FAM184B: variants seen among roughly 807,000 people sequenced by gnomAD.
FAM184B encodes the protein protein FAM184B.
Under a neutral mutation model 135.9 loss-of-function variants are expected in FAM184B, and 111 were observed. That is an observed-to-expected ratio of 0.82 (90% CI 0.70 to 0.96). FAM184B has a LOEUF of 0.96. FAM184B is among the 40% of genes least tolerant of loss of function. The pLI is 0.00. For missense variants in FAM184B, 1,375 were observed against 1,323.9 expected (o/e 1.04, Z -0.60); for synonymous variants, 552 against 524.8 (o/e 1.05, Z -0.71).
intron 3 of FAM184B, 102 bp downstream of exon 3, chr4:17,707,547 C>T: frequency 6.9e-7 from 1 of 1,455,778 alleles, no homozygotes; most frequent in African/African-American, 1.4e-5. Context: ...CAGCCCTGCC[C>T]CTCCTCTCTG....
intron 7 of FAM184B, among the ~76,000 whole-genome samples, chr4:17,673,584 C>G (rs1368179724): frequency 6.6e-6 from 1 of 152,080 alleles, no homozygotes; most frequent in African/African-American, 2.4e-5. Flanking sequence ...ATTACTCAGC[C>G]ATAGAAAGGA....
At chr4:17,749,566 A>T (rs918983900) in intron 1 of FAM184B, among the ~76,000 whole-genome samples, 2 of 152,256 alleles carry the variant, frequency 1.3e-5, no homozygotes, top group African/African-American at 4.8e-5. Context: ...ATGGAAACAG[A>T]TATAAAAATT....
chr4:17,768,541 C>T (rs1718746845), intron 1 of FAM184B, among the ~76,000 whole-genome samples: 1 of 152,196 alleles, frequency 6.6e-6, no homozygotes, highest in African/African-American at 2.4e-5. Context: ...TCCCAAAGTG[C>T]TGGGATTACA....
intron 9 of FAM184B, among the ~76,000 whole-genome samples, chr4:17,659,439 A>G (rs1715860404): frequency 6.6e-6 from 1 of 151,390 alleles, no homozygotes; most frequent in Non-Finnish European, 1.5e-5. Flanking sequence ...TGGTTTGTGC[A>G]TTGATGAATC....
chr4:17,642,209 T>G lies in FAM184B; in HGVS notation c.2366A>C (p.Gln789Pro). The change falls in exon 13 of 18, where the codon CAG becomes CCG. Residue 789 changes from glutamine (Q) to proline (P), a missense_variant. Coordinates refer to ENST00000265018, the MANE Select transcript of FAM184B (RefSeq NM_015688.2). ...AGCAGCGCCCGGTGGGGAGCCGGCC[T>G]GGCCCGGGCCGCCCCGCTCCTGAGG... ...IATEERGGPG[Q>P]AGSPPGAAGQ... The G allele has an allele frequency of 2.6e-6, 4 of 1,510,414 alleles. No individual in the cohort carries two copies. Among genetic ancestry groups the G allele is most frequent in the Non-Finnish European group, 3.5e-6 (4 of 1,137,490 alleles). 93.6% of individuals were successfully genotyped at this position (1,510,414 alleles called of 1,614,324 possible).
In FAM184B at chr4:17,634,992, C is replaced by A. The variant is rs1414340648; in HGVS notation, c.2889+17G>T. 31 of 1,533,206 alleles carry A rather than the reference C, an allele frequency of 2.0e-5. No homozygotes were observed. Among genetic ancestry groups the A allele is most frequent in the Non-Finnish European group, 2.7e-5 (30 of 1,130,320 alleles). 95.0% of individuals were successfully genotyped at this position (1,533,206 alleles called of 1,614,324 possible). A position where few individuals can be genotyped will look rare whatever the true frequency, so the allele number is the denominator to read the frequency against. ...ATGGAATTGTATAATGCATTAAAAC[C>A]ATTAGAACCAATTTACCTTCATGGA... On this transcript the variant is annotated intron_variant, in intron 16 of 17. Transcript: ENST00000265018.
At chr4:17,756,127 T>C (rs1718414399) in intron 1 of FAM184B, among the ~76,000 whole-genome samples, 1 of 152,100 alleles carries the variant, frequency 6.6e-6, no homozygotes, top group Non-Finnish European at 1.5e-5. Context: ...AGTGTATAAA[T>C]TGGGGGTCTC....
At chr4:17,637,317 G>A (rs1715172666) in intron 14 of FAM184B, among the ~76,000 whole-genome samples, 2 of 152,198 alleles carry the variant, frequency 1.3e-5, no homozygotes, top group African/African-American at 2.4e-5. Flanking sequence ...GTGGGCCACC[G>A]CGCCCGGCCC....
chr4:17,703,209 A>G (rs1044893308), intron 5 of FAM184B, among the ~76,000 whole-genome samples: 7 of 152,210 alleles, frequency 4.6e-5, no homozygotes, highest in African/African-American at 1.7e-4. Flanking sequence ...GGAAATTAAC[A>G]ATGAGACCTG....
rs1437346732 is a variant in FAM184B, at chr4:17,647,726, C to T, written c.2257G>A (p.Ala753Thr). 1.3e-6 allele frequency: 2 copies of T among 1,551,032 alleles called. No homozygotes were observed. The highest frequency in any genetic ancestry group is 3.9e-5 in the Admixed American group (2 of 51,006). ...AGAGCCCTCAGCTCGGCCTGCAGTG[C>T]CTCCAAGTCCTTCTGGTGCCCAGAA... ...ACSGHQKDLE[A>T]LQAELRALGR... Residue 753 changes from alanine to threonine, a missense_variant, in exon 12 of 18, where the codon GCA becomes ACA. Transcript: ENST00000265018.
intron 8 of FAM184B, among the ~76,000 whole-genome samples, chr4:17,661,620 A>T (rs1715922967): frequency 6.6e-6 from 1 of 152,192 alleles, no homozygotes; most frequent in Non-Finnish European, 1.5e-5. Context: ...CATCATTTTG[A>T]TTATCTTAGT....
intron 11 of FAM184B, among the ~76,000 whole-genome samples, chr4:17,650,464 A>C (rs1329016919): frequency 6.6e-6 from 1 of 152,130 alleles, no homozygotes; most frequent in African/African-American, 2.4e-5. Flanking sequence ...GCCTTTCCCC[A>C]GGGTCTTTCC....
chr4:17,773,507 A>G (rs1259739774), intron 1 of FAM184B, among the ~76,000 whole-genome samples: 1 of 152,196 alleles, frequency 6.6e-6, no homozygotes, highest in Non-Finnish European at 1.5e-5. Context: ...GATGAGAGGT[A>G]GTGCCCTGGT....
At chr4:17,635,639 ACAT>A (rs1331539063) in intron 15 of FAM184B, among the ~76,000 whole-genome samples, 2 of 151,500 alleles carry the variant, frequency 1.3e-5, no homozygotes, top group African/African-American at 2.4e-5. Flanking sequence ...CTCTGTAAAA[ACAT>A]CAGTATGTAT....
intron 1 of FAM184B, among the ~76,000 whole-genome samples, chr4:17,756,300 C>A (rs1718418887): frequency 1.3e-5 from 2 of 152,124 alleles, no homozygotes; most frequent in South Asian, 4.1e-4. Context: ...GTCAAAAGGA[C>A]TCAGGAGCCA....
rs944909700 is a variant in FAM184B, at chr4:17,767,061, C to T, written c.141+14098G>A. 7.2e-5 allele frequency among the ~76,000 whole-genome samples: 11 copies of T among 152,302 alleles called. No homozygotes were observed. In the South Asian group the frequency reaches 8.3e-4, roughly 11 times the overall value. On this transcript the variant is annotated intron_variant, in intron 1 of 17. Coordinates refer to ENST00000265018, the MANE Select transcript of FAM184B (RefSeq NM_015688.2). The stretch of plus-strand genomic sequence containing the variant: ...AGCTGCTGGCCCGGGTGTTAAGCCC[C>T]TCACTGCCTGGGGCCAGCAGCGCCA...
chr4:17,655,444 G>A (rs912002645), intron 10 of FAM184B, among the ~76,000 whole-genome samples: 2 of 152,180 alleles, frequency 1.3e-5, no homozygotes, highest in Non-Finnish European at 2.9e-5. Flanking sequence ...AGGGCTCAGG[G>A]CAAATTGGAG....
chr4:17,725,564 A>G (rs1393624879), intron 1 of FAM184B, among the ~76,000 whole-genome samples: 1 of 152,118 alleles, frequency 6.6e-6, no homozygotes, highest in African/African-American at 2.4e-5. Flanking sequence ...GCACACTCCT[A>G]TTAGCACATT....
At position 17,644,244 on chromosome 4, in the gene FAM184B, G is replaced by A. The variant is rs113350168; in HGVS notation, c.2347-2016C>T. 1.5e-4 allele frequency among the ~76,000 whole-genome samples: 23 copies of A among 152,238 alleles called. 2 individuals are homozygous for A. Among genetic ancestry groups the A allele is most frequent in the African/African-American group, 5.1e-4 (21 of 41,558 alleles). Reference sequence around the variant, plus strand: ...CAAAGGCTTTATGAAAAGTGATGCTGGTCATCCTAATACCAAAGCCTGGCA... The same window carrying A: ...CAAAGGCTTTATGAAAAGTGATGCTAGTCATCCTAATACCAAAGCCTGGCA... On this transcript the variant is annotated intron_variant, in intron 12 of 17. Transcript: ENST00000265018.
Sources: allele counts gnomAD v4.1 joint callset (sites outside exome capture counted in the v4.1 genomes callset), GRCh38; gene constraint gnomAD v4.1.1; transcripts MANE v1.5; gene names NCBI Gene and HGNC (gene_info 2026-07-23, HGNC 2026-07-21).